NCAN: variants seen among roughly 807,000 people sequenced by gnomAD.
NCAN encodes the protein neurocan core protein.
Under a neutral mutation model 121.8 loss-of-function variants are expected in NCAN, and 47 were observed. That is an observed-to-expected ratio of 0.39 (90% CI 0.31 to 0.49). The LOEUF (loss-of-function observed/expected upper bound fraction) is 0.49, where lower values mean the gene tolerates loss of function less well. NCAN is among the 20% of genes least tolerant of loss of function. NCAN has a pLI of 0.92. For missense variants in NCAN, 1,517 were observed against 1,773.4 expected (o/e 0.86, Z 2.60); for synonymous variants, 633 against 702.0 (o/e 0.90, Z 1.55).
At chr19:19,220,040 C>T (rs530054166) in intron 3 of NCAN, among the ~76,000 whole-genome samples, 5 of 151,942 alleles carry the variant, frequency 3.3e-5, no homozygotes, top group East Asian at 3.9e-4. Flanking sequence ...AGAAAAAAAA[C>T]GTCTGTATCA....
intron 1 of NCAN, among the ~76,000 whole-genome samples, chr19:19,215,362 G>T (rs187052652): frequency 6.6e-5 from 10 of 152,320 alleles, no homozygotes; most frequent in Non-Finnish European, 1.3e-4. Context: ...GGGGTTCGCA[G>T]GAGTGGGAGG....
chr19:19,244,758 C>T (rs564211905), intron 12 of NCAN, among the ~76,000 whole-genome samples: 3 of 143,284 alleles, frequency 2.1e-5, no homozygotes, highest in South Asian at 4.4e-4. Context: ...GGCAGAGTCT[C>T]GGTCTTGTCA....
rs1342233391 is a variant in NCAN at position 19,249,805 on chromosome 19, A to G, written c.3860A>G (p.His1287Arg). The G allele has an allele frequency of 6.2e-7, 1 of 1,612,188 alleles. No homozygotes were observed. Among genetic ancestry groups the G allele is most frequent in the East Asian group, 2.2e-5 (1 of 44,870 alleles). ...SHRMRRHHHH[H>R]QHHHQHHHHK... Reference sequence around the variant, plus strand: ...CGGATGCGGCGACACCACCACCACCACCAACACCACCACCAGCATCACCAC... The same window carrying G: ...CGGATGCGGCGACACCACCACCACCGCCAACACCACCACCAGCATCACCAC... Residue 1287 changes from histidine to arginine, a missense_variant, in exon 15 of 15, where the codon CAC (histidine) becomes CGC (arginine). Transcript: ENST00000252575.
At chr19:19,233,297 C>T (rs1417947085) in intron 8 of NCAN, among the ~76,000 whole-genome samples, 1 of 151,080 alleles carries the variant, frequency 6.6e-6, no homozygotes, top group African/African-American at 2.4e-5. Context: ...TGGTCAGATG[C>T]TGCCCTGACA....
chr19:19,236,601 C>CT (rs888156805), intron 10 of NCAN, among the ~76,000 whole-genome samples: 24 of 150,838 alleles, frequency 1.6e-4, no homozygotes, highest in Admixed American at 4.6e-4. Context: ...GTTTAATTTA[C>CT]TTTTTTTTTG....
chr19:19,214,911 AG>A (rs1224590324), intron 1 of NCAN, among the ~76,000 whole-genome samples: 1 of 152,126 alleles, frequency 6.6e-6, no homozygotes, highest in Non-Finnish European at 1.5e-5. Context: ...CAGGGTTCCA[AG>A]GGGAAGAAAT....
At chr19:19,217,797 C>T (rs140991713) in intron 2 of NCAN, among the ~76,000 whole-genome samples, 211 of 152,092 alleles carry the variant, frequency 1.4e-3, no homozygotes, top group African/African-American at 4.7e-3. Flanking sequence ...GGCTAGCCTG[C>T]CTAACATGGT....
At chr19:19,239,761 C>T (rs1281581831) in intron 11 of NCAN, among the ~76,000 whole-genome samples, 2 of 132,566 alleles carry the variant, frequency 1.5e-5, no homozygotes, top group African/African-American at 2.9e-5. Context: ...CCTCCTCCTT[C>T]TCCTTCCTCT....
At chr19:19,240,229 G>A (rs998907505) in intron 11 of NCAN, among the ~76,000 whole-genome samples, 6 of 149,384 alleles carry the variant, frequency 4.0e-5, no homozygotes, top group African/African-American at 1.2e-4. Flanking sequence ...CTCTTACAGA[G>A]GTTAGGGAGG....
chr19:19,231,099 G>C (rs573431761), intron 8 of NCAN, among the ~76,000 whole-genome samples: 2 of 151,962 alleles, frequency 1.3e-5, no homozygotes, highest in Non-Finnish European at 2.9e-5. Context: ...ACCCCGTATC[G>C]ATAAAGGCTG....
At position 19,218,902 on chromosome 19, in the gene NCAN, T is replaced by A. The variant is rs567874958; in HGVS notation, c.74-13T>A. On this transcript the variant is annotated splice_polypyrimidine_tract_variant and intron_variant, in intron 2 of 14. Coordinates refer to ENST00000252575, the MANE Select transcript of NCAN (RefSeq NM_004386.3). ...CTCTGAATCAGGCCCTCTCTCCACCTTCTCCAACCCAGGCACACAGGATAT... is the reference window on the plus strand; with the variant it reads ...CTCTGAATCAGGCCCTCTCTCCACCATCTCCAACCCAGGCACACAGGATAT... 6.8e-7 allele frequency: 1 copy of A among 1,479,408 alleles called. No individual in the cohort carries two copies. The highest frequency in any genetic ancestry group is 2.4e-5 in the East Asian group (1 of 41,430). The allele number at this position is 1,479,408 out of a possible 1,614,324, so 91.6% of individuals were successfully genotyped here.
At chr19:19,235,734 G>A (rs78020578) in intron 10 of NCAN, among the ~76,000 whole-genome samples, 2 of 151,884 alleles carry the variant, frequency 1.3e-5, no homozygotes, top group East Asian at 1.9e-4. Context: ...ACGCCACCAC[G>A]CCTAGCTAAA....
chr19:19,229,220 AAAAC>A (rs1205951040), intron 8 of NCAN, among the ~76,000 whole-genome samples: 3 of 152,150 alleles, frequency 2.0e-5, no homozygotes, highest in African/African-American at 7.2e-5. Context: ...AACAAAAACA[AAAAC>A]AAAGTGTGGG....
chr19:19,222,202 C>T (rs1179214117), intron 3 of NCAN, among the ~76,000 whole-genome samples: 1 of 152,148 alleles, frequency 6.6e-6, no homozygotes, highest in Non-Finnish European at 1.5e-5. Context: ...CTAACAACAA[C>T]AACAACAACA....
chr19:19,248,355 G>A (rs897854129), intron 13 of NCAN, among the ~76,000 whole-genome samples: 1 of 151,812 alleles, frequency 6.6e-6, no homozygotes, highest in Non-Finnish European at 1.5e-5. Flanking sequence ...TGAGGCAGGA[G>A]AATCACTTGA....
At chr19:19,223,412 A>G (rs1175911885) in intron 3 of NCAN, among the ~76,000 whole-genome samples, 1 of 152,050 alleles carries the variant, frequency 6.6e-6, no homozygotes, top group African/African-American at 2.4e-5. Context: ...CCTCCTCTAG[A>G]ACAATCAGAT....
At chr19:19,234,678 T>G (rs1409327148) in intron 9 of NCAN, among the ~76,000 whole-genome samples, 1 of 152,236 alleles carries the variant, frequency 6.6e-6, no homozygotes, top group Non-Finnish European at 1.5e-5. Context: ...AGCTTCAGCA[T>G]TCTATGAGCC....
rs911972409 is a variant in NCAN at position 19,218,997 on chromosome 19, G to A, written c.156G>A (p.Ala52=). 6.9e-6 allele frequency: 11 copies of A among 1,596,736 alleles called. No homozygotes were observed. The highest frequency in any genetic ancestry group is 1.7e-5 in the Admixed American group (1 of 58,528). The change falls in exon 3 of 15, where the codon GCG becomes GCA. Residue 52 remains alanine, a synonymous_variant. Transcript: ENST00000252575. ...LGSGSVQAAL[A]ELVALPCLFT... ...CTGGGTCAGTGCAGGCTGCGCTGGC[G>A]GAGCTGGTGGCCCTGCCCTGTCTCT...
In NCAN at chr19:19,228,077, T is replaced by C. The variant is rs1277149651; in HGVS notation, c.2457T>C (p.Ala819=). 6.2e-7 allele frequency: 1 copy of C among 1,613,408 alleles called. No homozygotes were observed. Among genetic ancestry groups the C allele is most frequent in the Non-Finnish European group, 8.5e-7 (1 of 1,180,008 alleles). Residue 819 remains alanine (A), a synonymous_variant, in exon 8 of 15, where the codon GCT becomes GCC. Coordinates refer to ENST00000252575, the MANE Select transcript of NCAN (RefSeq NM_004386.3). The part of the protein sequence containing the change: ...KVTPNLEPWV[A]TDEGPTVNPM... ...CCCCAAATTTGGAGCCTTGGGTTGCTACAGATGAAGGACCCACTGTGAATC... is the reference window on the plus strand; with the variant it reads ...CCCCAAATTTGGAGCCTTGGGTTGCCACAGATGAAGGACCCACTGTGAATC...
Sources: gnomAD v4.1 joint callset for allele counts (sites outside exome capture counted in the v4.1 genomes callset) on GRCh38, gnomAD v4.1.1 for gene constraint, MANE v1.5 for transcripts, NCBI Gene and HGNC (gene_info 2026-07-23, HGNC 2026-07-21) for gene names.